Variants in SLC9D1 observed in about 807,000 individuals in gnomAD.
SLC9D1 encodes putative LAG1-interacting protein.
the SLC9D1 span, among the ~76,000 whole-genome samples, chr13:113,510,682 T>A: frequency 6.6e-6 from 1 of 152,120 alleles, no homozygotes; most frequent in African/African-American, 2.4e-5. Context: ...CAGAGAGAAA[T>A]TGGACCAAGA....
the SLC9D1 span, among the ~76,000 whole-genome samples, chr13:113,508,515 G>T: frequency 6.6e-6 from 1 of 152,218 alleles, no homozygotes; most frequent in Non-Finnish European, 1.5e-5. Flanking sequence ...GTAGAGAAAA[G>T]AAATTCAGAG....
the SLC9D1 span, among the ~76,000 whole-genome samples, chr13:113,532,935 G>A: frequency 3.1e-5 from 2 of 64,438 alleles, no homozygotes. Context: ...TCTGAAGGAC[G>A]CTGCCTCCCT....
At chr13:113,549,409 C>T in the SLC9D1 span, 1 of 1,613,038 alleles carries the variant, frequency 6.2e-7, no homozygotes, top group African/African-American at 1.3e-5. Context: ...ACCCGCTCTG[C>T]ACTTTGCTGT....
the SLC9D1 span, chr13:113,527,378 C>T: frequency 6.6e-6 from 1 of 152,182 alleles, no homozygotes; most frequent in Non-Finnish European, 1.5e-5. Flanking sequence ...GCCACAAATT[C>T]TCTAAGTTTT....
At chr13:113,546,831 G>A in the SLC9D1 span, among the ~76,000 whole-genome samples, 1 of 152,012 alleles carries the variant, frequency 6.6e-6, no homozygotes, top group Non-Finnish European at 1.5e-5. The surrounding 1 kb of genome is among the most constrained non-coding windows in gnomAD (Gnocchi z 7.1). Flanking sequence ...GAAATATGTG[G>A]AGACAACGTT....
the SLC9D1 span, chr13:113,548,470 GC>G: frequency 9.4e-6 from 15 of 1,594,506 alleles, no homozygotes; most frequent in Non-Finnish European, 1.3e-5. Flanking sequence ...GCTTCCCCCC[GC>G]GGAGCGCTTC....
At chr13:113,510,951 T>C in the SLC9D1 span, among the ~76,000 whole-genome samples, 2,591 of 150,396 alleles carry the variant, frequency 0.017, 44 homozygotes, top group East Asian at 0.075. Flanking sequence ...GCTCGGAGCC[T>C]AGGCAGGACC....
chr13:113,548,357 A>G, the SLC9D1 span: 1 of 1,613,970 alleles, frequency 6.2e-7, no homozygotes. Flanking sequence ...CAGCCAGTAC[A>G]TCAAGTGGAT....
At chr13:113,501,657 CG>C in the SLC9D1 span, 1 of 934,482 alleles carries the variant, frequency 1.1e-6, no homozygotes. Flanking sequence ...CAGGTGAAAT[CG>C]GGGAACTACG....
At chr13:113,531,064 T>C in the SLC9D1 span, among the ~76,000 whole-genome samples, 1 of 152,108 alleles carries the variant, frequency 6.6e-6, no homozygotes, top group African/African-American at 2.4e-5. Flanking sequence ...CCTGTCATAG[T>C]GGGAGGCACC....
the SLC9D1 span, among the ~76,000 whole-genome samples, chr13:113,509,355 T>C: frequency 2.2e-5 from 3 of 138,424 alleles, 1 homozygote; most frequent in African/African-American, 8.8e-5. Context: ...GAGCTGCCTA[T>C]GTTGGGGCTG....
chr13:113,529,751 C>T, the SLC9D1 span: 2 of 152,250 alleles, frequency 1.3e-5, no homozygotes, highest in South Asian at 2.1e-4. Context: ...GTTCGCTCCT[C>T]GGTATTTACC....
chr13:113,493,540 A>G, the SLC9D1 span, among the ~76,000 whole-genome samples: 2 of 152,116 alleles, frequency 1.3e-5, no homozygotes, highest in East Asian at 1.9e-4. Flanking sequence ...GTTTGTTTTT[A>G]AGGTGGTAAA....
chr13:113,548,185 C>CGT, the SLC9D1 span: 1 of 1,121,518 alleles, frequency 8.9e-7, no homozygotes, highest in African/African-American at 1.6e-5. Flanking sequence ...CCCTACTTGA[C>CGT]GTGTTATTCA....
At chr13:113,529,002 A>T in the SLC9D1 span, 1 of 152,072 alleles carries the variant, frequency 6.6e-6, no homozygotes, top group Admixed American at 6.5e-5. Context: ...TCTCCATACG[A>T]AACAAGCAGA....
At chr13:113,533,907 G>A in the SLC9D1 span, 1 of 699,002 alleles carries the variant, frequency 1.4e-6, no homozygotes, top group Non-Finnish European at 2.5e-6. Flanking sequence ...AGGTGTTTTT[G>A]TATTTGAAAA....
the SLC9D1 span, among the ~76,000 whole-genome samples, chr13:113,521,760 A>G: frequency 6.6e-6 from 1 of 152,210 alleles, no homozygotes; most frequent in East Asian, 1.9e-4. Context: ...ATACAAATAC[A>G]TTCCAAGAAT....
At chr13:113,549,773 G>A in the SLC9D1 span, 1 of 694,550 alleles carries the variant, frequency 1.4e-6, no homozygotes, top group Non-Finnish European at 2.6e-6. Flanking sequence ...CCGGGACACT[G>A]CGTTTTACCG....
the SLC9D1 span, among the ~76,000 whole-genome samples, chr13:113,537,667 G>A: frequency 6.6e-6 from 1 of 152,134 alleles, no homozygotes; most frequent in Non-Finnish European, 1.5e-5. Context: ...TGAAAGATCC[G>A]CCTGCCCCTG....
Sources: gnomAD v4.1 joint callset for allele counts (sites outside exome capture counted in the v4.1 genomes callset) on GRCh38, gnomAD v4.1.1 for gene constraint, Gnocchi (gnomAD v3.1) non-coding constraint, MANE v1.5 for transcripts, NCBI Gene and HGNC (gene_info 2026-07-23, HGNC 2026-07-21) for gene names.